The following SLC24A2 variants were observed in gnomAD, a reference collection of about 807,000 sequenced individuals.
The protein encoded by SLC24A2 is solute carrier family 24 member 2, also known as sodium/potassium/calcium exchanger 2.
A neutral mutation model predicts 62.0 loss-of-function variants in SLC24A2; 36 were observed. The ratio of observed to expected loss-of-function variants is 0.58; its 90% confidence interval spans 0.44 to 0.77. The LOEUF (loss-of-function observed/expected upper bound fraction) is 0.77. SLC24A2 is among the 30% of genes least tolerant of loss of function. SLC24A2 has a pLI of 0.00. For synonymous variants in SLC24A2, 358 were observed against 294.0 expected (o/e 1.22, Z -2.23); for missense variants, 846 against 817.9 (o/e 1.03, Z -0.42).
At chr9:19,695,921 T>C (rs1044408903) in intron 2 of SLC24A2, among the ~76,000 whole-genome samples, 17 of 152,140 alleles carry the variant, frequency 1.1e-4, no homozygotes, top group African/African-American at 4.1e-4. Context: ...TTTGAATAAA[T>C]ACATGCAACA....
the SLC24A2 span, chr9:19,958,129 T>C: frequency 1.3e-5 from 2 of 152,108 alleles, no homozygotes; most frequent in Non-Finnish European, 2.9e-5. Context: ...GGAAGAGGAA[T>C]CAATGTGTAG....
chr9:19,517,188 T>G (rs531746015), intron 10 of SLC24A2, among the ~76,000 whole-genome samples: 1 of 152,268 alleles, frequency 6.6e-6, no homozygotes, highest in African/African-American at 2.4e-5. Context: ...AAGCATTGAC[T>G]AGAACTCTGG....
chr9:20,191,937 T>C, the SLC24A2 span, among the ~76,000 whole-genome samples: 8 of 152,130 alleles, frequency 5.3e-5, no homozygotes, highest in African/African-American at 1.9e-4. Flanking sequence ...CATTGACCCA[T>C]GAAGATAAGA....
the SLC24A2 span, among the ~76,000 whole-genome samples, chr9:20,178,784 A>T: frequency 6.6e-6 from 1 of 152,178 alleles, no homozygotes; most frequent in Non-Finnish European, 1.5e-5. Context: ...AAGTGCCAGG[A>T]GATGTGTCAA....
chr9:19,717,855 A>C (rs1227942991), intron 2 of SLC24A2, among the ~76,000 whole-genome samples: 1 of 151,938 alleles, frequency 6.6e-6, no homozygotes, highest in Admixed American at 6.6e-5. Context: ...TTCTTCAGTG[A>C]CCCCACTAAA....
chr9:19,730,027 A>G (rs145557360), intron 2 of SLC24A2, among the ~76,000 whole-genome samples: 123 of 152,262 alleles, frequency 8.1e-4, no homozygotes, highest in Non-Finnish European at 1.5e-3. Context: ...GTAAAATTAA[A>G]AAAAAATAGA....
the SLC24A2 span, among the ~76,000 whole-genome samples, chr9:19,996,833 G>A: frequency 6.6e-6 from 1 of 151,860 alleles, no homozygotes; most frequent in African/African-American, 2.4e-5. Context: ...TACCCCAAGT[G>A]GTACGTTTCC....
the SLC24A2 span, among the ~76,000 whole-genome samples, chr9:19,795,714 C>T: frequency 2.6e-5 from 4 of 152,044 alleles, no homozygotes; most frequent in Non-Finnish European, 5.9e-5. Context: ...TATTCTCCCC[C>T]CTCCCTCTCT....
chr9:19,532,717 G>C (rs1459179598), intron 8 of SLC24A2, among the ~76,000 whole-genome samples: 1 of 152,180 alleles, frequency 6.6e-6, no homozygotes, highest in Non-Finnish European at 1.5e-5. Flanking sequence ...ACCTCTGTGG[G>C]TGTCAATTAC....
the SLC24A2 span, among the ~76,000 whole-genome samples, chr9:20,047,070 G>A: frequency 2.0e-5 from 3 of 152,034 alleles, no homozygotes; most frequent in Non-Finnish European, 4.4e-5. Context: ...GGAAGGAGCC[G>A]GGTTCAGCAA....
chr9:20,062,198 T>C, the SLC24A2 span, among the ~76,000 whole-genome samples: 11 of 152,274 alleles, frequency 7.2e-5, no homozygotes, highest in African/African-American at 2.4e-4. Flanking sequence ...CACTGCACCT[T>C]AGCCTGCGTG....
chr9:20,221,918 A>T, the SLC24A2 span, among the ~76,000 whole-genome samples: 1 of 152,080 alleles, frequency 6.6e-6, no homozygotes, highest in Non-Finnish European at 1.5e-5. Context: ...AATTATTAAG[A>T]TTTACCTCAA....
At chr9:19,552,908 T>A (rs992399950) in intron 7 of SLC24A2, among the ~76,000 whole-genome samples, 39 of 152,188 alleles carry the variant, frequency 2.6e-4, no homozygotes, top group African/African-American at 8.4e-4. Context: ...TGCAAACAAT[T>A]AACTATATTG....
At chr9:19,815,478 A>G in the SLC24A2 span, among the ~76,000 whole-genome samples, 3 of 152,048 alleles carry the variant, frequency 2.0e-5, no homozygotes, top group Non-Finnish European at 2.9e-5. Flanking sequence ...GCACTTTATT[A>G]CTGTTTTTGC....
chr9:19,820,045 A>G, the SLC24A2 span, among the ~76,000 whole-genome samples: 1 of 18,406 alleles, frequency 5.4e-5, no homozygotes, highest in African/African-American at 7.9e-5. Flanking sequence ...ATATATACAT[A>G]TATATATATA....
the SLC24A2 span, among the ~76,000 whole-genome samples, chr9:20,063,149 C>T: frequency 4.2e-5 from 6 of 143,048 alleles, no homozygotes; most frequent in Admixed American, 3.6e-4. Flanking sequence ...TGGGTATATA[C>T]CCAAAGGACT....
the SLC24A2 span, chr9:19,957,444 G>C: frequency 1.3e-5 from 2 of 152,188 alleles, no homozygotes; most frequent in African/African-American, 4.8e-5. Context: ...TTCTATCTCT[G>C]GAATGTTCAT....
the SLC24A2 span, among the ~76,000 whole-genome samples, chr9:20,028,466 G>C: frequency 6.6e-6 from 1 of 152,124 alleles, no homozygotes; most frequent in Non-Finnish European, 1.5e-5. Context: ...ATTTCCATCT[G>C]TCTAAAAATG....
the SLC24A2 span, among the ~76,000 whole-genome samples, chr9:20,007,256 G>A: frequency 6.6e-6 from 1 of 152,172 alleles, no homozygotes; most frequent in African/African-American, 2.4e-5. Flanking sequence ...GAAAAGAGAT[G>A]TAATAGGTTT....
Sources: allele counts gnomAD v4.1 joint callset (sites outside exome capture counted in the v4.1 genomes callset), GRCh38; gene constraint gnomAD v4.1.1; transcripts MANE v1.5; gene names NCBI Gene and HGNC (gene_info 2026-07-23, HGNC 2026-07-21).